Variants in SLC13A4 observed in about 807,000 individuals in gnomAD.
SLC13A4 encodes solute carrier family 13 member 4.
A neutral mutation model predicts 72.7 loss-of-function variants in SLC13A4; 28 were observed. That is an observed-to-expected ratio of 0.39 (90% CI 0.29 to 0.53). The LOEUF (loss-of-function observed/expected upper bound fraction) is 0.53, where lower values mean the gene tolerates loss of function less well. Among genes scored for constraint, SLC13A4 ranks in the 20% least tolerant of loss-of-function variants. SLC13A4 has a pLI of 0.78. For missense variants in SLC13A4, 653 were observed against 788.0 expected (o/e 0.83, Z 2.05); for synonymous variants, 312 against 325.5 (o/e 0.96, Z 0.45).
intron 6 of SLC13A4, 49 bp from the exon 7 acceptor site, chr7:135,701,809 C>T: frequency 6.3e-7 from 1 of 1,587,338 alleles, no homozygotes; most frequent in South Asian, 1.1e-5. Context: ...AGTGGTGAGC[C>T]AGGTGCCTCG....
At chr7:135,715,044 G>A (rs1182317962) in intron 2 of SLC13A4, among the ~76,000 whole-genome samples, 2 of 138,316 alleles carry the variant, frequency 1.4e-5, no homozygotes, top group Non-Finnish European at 3.1e-5. Flanking sequence ...GTGTGTGAGG[G>A]TATGAGTGTG....
At position 135,695,223 on chromosome 7, in the gene SLC13A4, T is replaced by G. The variant is rs1384000331; in HGVS notation, c.1019+145A>C. On this transcript the variant is annotated intron_variant, in intron 9 of 15. Coordinates refer to ENST00000682651, the MANE Select transcript of SLC13A4 (RefSeq NM_001318192.2). ...GTCTAGAAGAGACAGCACCTGACTC[T>G]CAGACCAGACCACTGCATTCTCCTT... The G allele has an allele frequency of 5.6e-6, 6 of 1,065,762 alleles. No individual in the cohort carries two copies. In the East Asian group the frequency reaches 1.5e-4, roughly 26 times the overall value. 66.0% of individuals were successfully genotyped at this position (1,065,762 alleles called of 1,614,324 possible).
rs181653228 is a variant in SLC13A4, at chr7:135,727,752, A to G, written c.-256T>C. On this transcript the variant is annotated 5_prime_UTR_variant, in exon 1 of 16. Transcript: ENST00000682651. Reference sequence around the variant, plus strand: ...ACCAGCAAAAAGGAACTGGGAAAGGATGATAAACGGGGGCATAGTGGGCCT... The same window carrying G: ...ACCAGCAAAAAGGAACTGGGAAAGGGTGATAAACGGGGGCATAGTGGGCCT... 322 of 445,892 alleles carry G rather than the reference A, an allele frequency of 7.2e-4. 4 individuals are homozygous for G. In the East Asian group the frequency reaches 0.011, roughly 15 times the overall value. 27.6% of individuals were successfully genotyped at this position (445,892 alleles called of 1,614,324 possible).
Position 135,723,635 on chromosome 7 carries a change from G to A in SLC13A4, c.100-2112C>T, listed in dbSNP as rs138046237. Reference sequence around the variant, plus strand: ...AACCTGACAAATCTTGCTGTTTATGGCCCCTTGAGTTCAGAACACGCGTCC... The same window carrying A: ...AACCTGACAAATCTTGCTGTTTATGACCCCTTGAGTTCAGAACACGCGTCC... On this transcript the variant is annotated intron_variant, in intron 1 of 15. Transcript: ENST00000682651. 4.6e-5 allele frequency among the ~76,000 whole-genome samples: 7 copies of A among 152,244 alleles called. No homozygotes were observed. The East Asian group carries it at 1.4e-3, about 29-fold the overall frequency.
intron 4 of SLC13A4, 125 bp downstream of exon 4, chr7:135,706,003 G>C: frequency 1.2e-6 from 1 of 861,090 alleles, no homozygotes; most frequent in South Asian, 2.0e-5. Context: ...AGGGGAATGT[G>C]GGGGCATGGC....
intron 1 of SLC13A4, among the ~76,000 whole-genome samples, chr7:135,721,741 G>A (rs1796554559): frequency 6.6e-6 from 1 of 152,204 alleles, no homozygotes; most frequent in Non-Finnish European, 1.5e-5. Flanking sequence ...GGGGACCGAT[G>A]CCTGGCGTGT....
chr7:135,712,303 A>T (rs367981111), intron 2 of SLC13A4, among the ~76,000 whole-genome samples: 1 of 151,702 alleles, frequency 6.6e-6, no homozygotes, highest in Non-Finnish European at 1.5e-5. Flanking sequence ...AAGTGATACT[A>T]TGTGCTCGGG....
chr7:135,705,597 C>T lies in SLC13A4; in HGVS notation c.592G>A (p.Asp198Asn). The T allele has an allele frequency of 6.2e-7, 1 of 1,614,076 alleles. No homozygotes were observed. Among genetic ancestry groups the T allele is most frequent in the Non-Finnish European group, 8.5e-7 (1 of 1,179,954 alleles). Reference protein sequence around the residue: ...PSLELIFVNEDRSNADLTTLM... With the variant: ...PSLELIFVNENRSNADLTTLM... ...CTGGGAGAGGGCAGTCATACTCACT[C>T]TTCATTGACAAAGATGAGTTCCAGA... The change falls in exon 5 of 16, where the codon GAC becomes AAC. Residue 198 changes from aspartate (D) to asparagine (N), a missense_variant and splice_region_variant. Physicochemically the swap from Asp to Asn is conservative, Grantham distance 23. Coordinates refer to ENST00000682651, the MANE Select transcript of SLC13A4 (RefSeq NM_001318192.2).
chr7:135,701,555 G>A, intron 7 of SLC13A4, 125 bp downstream of exon 7: 1 of 905,490 alleles, frequency 1.1e-6, no homozygotes. Context: ...ACATGTATGA[G>A]AGTAATGAGT....
intron 1 of SLC13A4, among the ~76,000 whole-genome samples, chr7:135,722,830 TC>T (rs1304996424): frequency 1.3e-5 from 2 of 151,936 alleles, no homozygotes; most frequent in Non-Finnish European, 2.9e-5. Flanking sequence ...AATAAGGAGC[TC>T]CCTTCCCTGG....
In SLC13A4 at chr7:135,719,085, C is replaced by T. The variant is rs183255054; in HGVS notation, c.228+2310G>A. On this transcript the variant is annotated intron_variant, in intron 2 of 15. Coordinates refer to ENST00000682651, the MANE Select transcript of SLC13A4 (RefSeq NM_001318192.2). ...GGATTTTTCACCTCAAATGATAAGA[C>T]GTGCTTTCTGGCTCCTCCAGCCCCT... 1.8e-3 allele frequency among the ~76,000 whole-genome samples: 272 copies of T among 152,348 alleles called. 2 individuals are homozygous for T. Among genetic ancestry groups the T allele is most frequent in the African/African-American group, 6.2e-3 (259 of 41,582 alleles).
At chr7:135,708,791 TTCC>T (rs1412913665) in intron 2 of SLC13A4, among the ~76,000 whole-genome samples, 1 of 152,110 alleles carries the variant, frequency 6.6e-6, no homozygotes, top group Non-Finnish European at 1.5e-5. Flanking sequence ...TTATAGTTTC[TTCC>T]ATTTTTCCTA....
At chr7:135,701,819 G>A (rs1054312646) in intron 6 of SLC13A4, 59 bp from the exon 7 acceptor site, 5 of 1,546,048 alleles carry the variant, frequency 3.2e-6, no homozygotes, top group East Asian at 2.3e-5. Context: ...CAGGTGCCTC[G>A]AGAAGGACCA....
chr7:135,686,558 C>CA (rs1243003183), intron 13 of SLC13A4, among the ~76,000 whole-genome samples: 1 of 152,090 alleles, frequency 6.6e-6, no homozygotes, highest in Admixed American at 6.6e-5. Context: ...TTTGTAGAGA[C>CA]AGAGTCTTTC....
chr7:135,685,716 GAGA>G (rs918235632), intron 13 of SLC13A4, 33 bp from the exon 14 acceptor site: 1 of 1,575,680 alleles, frequency 6.3e-7, no homozygotes. Context: ...AAGAAGAAAG[GAGA>G]AGAAGCACAT....
At chr7:135,696,975 G>A (rs953294154) in intron 8 of SLC13A4, among the ~76,000 whole-genome samples, 7 of 152,044 alleles carry the variant, frequency 4.6e-5, no homozygotes, top group African/African-American at 9.7e-5. Context: ...CCTTCTGTCC[G>A]TTAAATATGT....
Position 135,710,914 on chromosome 7 carries a change from G to A in SLC13A4, c.229-2664C>T, listed in dbSNP as rs1367993008. 3.3e-5 allele frequency among the ~76,000 whole-genome samples: 5 copies of A among 151,486 alleles called. No homozygotes were observed. In the East Asian group the frequency reaches 9.8e-4, roughly 30 times the overall value. On this transcript the variant is annotated intron_variant, in intron 2 of 15. Coordinates refer to ENST00000682651, the MANE Select transcript of SLC13A4 (RefSeq NM_001318192.2). ...CTGTCACGAATGCCCCCTGGGGGCAGGGAAGGCCCCCTGCTCTGGACAGCT... is the reference window on the plus strand; with the variant it reads ...CTGTCACGAATGCCCCCTGGGGGCAAGGAAGGCCCCCTGCTCTGGACAGCT...
intron 4 of SLC13A4, 102 bp downstream of exon 4, chr7:135,706,016 AGGGGGTCCTG>A (rs80020635): frequency 0.046 from 43,078 of 928,924 alleles, 857 homozygotes; most frequent in Middle Eastern, 0.072. Context: ...GGCATGGCTG[AGGGGGTCCTG>A]GGGTGGGCAC....
At chr7:135,685,474 G>A in intron 14 of SLC13A4, 48 bp downstream of exon 14, 1 of 1,579,764 alleles carries the variant, frequency 6.3e-7, no homozygotes, top group Non-Finnish European at 8.7e-7. Context: ...GCCACTCCAG[G>A]CCCCTGGGAC....
Sources: gnomAD v4.1 joint callset for allele counts (sites outside exome capture counted in the v4.1 genomes callset) on GRCh38, gnomAD v4.1.1 for gene constraint, MANE v1.5 for transcripts, NCBI Gene and HGNC (gene_info 2026-07-23, HGNC 2026-07-21) for gene names.